CACNA2D1: variants seen among roughly 807,000 people sequenced by gnomAD.
CACNA2D1 encodes voltage-dependent calcium channel subunit alpha-2/delta-1.
Under a neutral mutation model 171.5 loss-of-function variants are expected in CACNA2D1, and 53 were observed. The observed-to-expected ratio is 0.31, with a 90% CI of 0.25 to 0.39. The LOEUF is 0.39. Ranked by LOEUF, CACNA2D1 falls within the 10% of genes least tolerant of loss-of-function variation. The probability of loss-of-function intolerance (pLI) is 1.00; values close to 1 mark genes in which losing one functional copy is unlikely to be tolerated. For synonymous variants in CACNA2D1, 442 were observed against 443.1 expected, an observed-to-expected ratio of 1.00 and a Z score of 0.03; for missense variants, 903 against 1,299.8, an observed-to-expected ratio of 0.69 and a Z score of 4.69.
intron 1 of CACNA2D1, among the ~76,000 whole-genome samples, chr7:82,382,136 G>C (rs945751980): frequency 3.5e-4 from 54 of 152,272 alleles, no homozygotes; most frequent in African/African-American, 1.3e-3. Context: ...AATTGAAGCA[G>C]GGTTACAGAC....
intron 6 of CACNA2D1, among the ~76,000 whole-genome samples, chr7:82,097,243 A>T (rs1160743315): frequency 6.6e-6 from 1 of 152,194 alleles, no homozygotes; most frequent in East Asian, 1.9e-4. Flanking sequence ...TTAGAGAGAC[A>T]TGATTATAAT....
chr7:82,088,066 G>C (rs1810692724), intron 6 of CACNA2D1, among the ~76,000 whole-genome samples: 1 of 152,004 alleles, frequency 6.6e-6, no homozygotes, highest in African/African-American at 2.4e-5. Flanking sequence ...TGTGGGTAGA[G>C]TTTATTTAGG....
At chr7:82,096,228 A>C (rs962608581) in intron 6 of CACNA2D1, among the ~76,000 whole-genome samples, 1 of 152,180 alleles carries the variant, frequency 6.6e-6, no homozygotes, top group African/African-American at 2.4e-5. Flanking sequence ...GCAGTAGCAC[A>C]AAAACTTCCT....
At position 82,066,526 on chromosome 7, in the gene CACNA2D1, T is replaced by TA. The variant is rs370103843; in HGVS notation, c.659-3dup. 0.076 allele frequency: 108,447 copies of TA among 1,429,314 alleles called. 1,400 individuals carry two copies. Among genetic ancestry groups the TA allele is most frequent in the African/African-American group, 0.22 (13,439 of 61,454 alleles). 88.5% of individuals were successfully genotyped at this position (1,429,314 alleles called of 1,614,324 possible). Reference sequence around the variant, plus strand: ...TACTATTATCAACCCATGGTGAAGCTAAAAAAAAAAAAAAAAGAGAGATAT... The same window carrying TA: ...TACTATTATCAACCCATGGTGAAGCTAAAAAAAAAAAAAAAAAGAGAGATAT... On this transcript the variant is annotated splice_region_variant and splice_polypyrimidine_tract_variant and intron_variant, in intron 7 of 38. Transcript: ENST00000356860.
Position 82,434,493 on chromosome 7 carries a change from T to C in CACNA2D1, c.95+8872A>G, listed in dbSNP as rs73160423. Among the ~76,000 whole-genome samples, 1,149 of 152,120 alleles carry C rather than the reference T, an allele frequency of 7.6e-3. 6 individuals are homozygous for C. The highest frequency in any genetic ancestry group is 0.034 in the East Asian group (174 of 5,164). On this transcript the variant is annotated intron_variant, in intron 1 of 38. Coordinates refer to ENST00000356860, the MANE Select transcript of CACNA2D1 (RefSeq NM_000722.4). ...ATTAAGTACTTAATTAAGTACTCATTAGTTATTTTTTCTGATCCTCTCACT... is the reference window on the plus strand; with the variant it reads ...ATTAAGTACTTAATTAAGTACTCATCAGTTATTTTTTCTGATCCTCTCACT...
chr7:82,137,466 T>C (rs1295793753), intron 4 of CACNA2D1, among the ~76,000 whole-genome samples: 1 of 152,098 alleles, frequency 6.6e-6, no homozygotes, highest in Non-Finnish European at 1.5e-5. Context: ...CTCTATCTTA[T>C]TCCAAACTGA....
chr7:82,434,645 T>G (rs1442996070), intron 1 of CACNA2D1, among the ~76,000 whole-genome samples: 1 of 152,186 alleles, frequency 6.6e-6, no homozygotes, highest in East Asian at 1.9e-4. Flanking sequence ...TGTTCCTGTG[T>G]TAGTTTGCTA....
intron 3 of CACNA2D1, among the ~76,000 whole-genome samples, chr7:82,266,569 T>C (rs1428999797): frequency 6.6e-6 from 1 of 151,952 alleles, no homozygotes; most frequent in Non-Finnish European, 1.5e-5. Context: ...CAGGCTGGAG[T>C]GCAATGGTGT....
At chr7:82,073,505 CTATT>C (rs1337834876) in intron 7 of CACNA2D1, among the ~76,000 whole-genome samples, 1 of 152,130 alleles carries the variant, frequency 6.6e-6, no homozygotes, top group East Asian at 1.9e-4. Context: ...AATTCACTAT[CTATT>C]GTAATATACA....
chr7:82,092,540 CTTTT>C (rs71093360), intron 6 of CACNA2D1, among the ~76,000 whole-genome samples: 145 of 102,690 alleles, frequency 1.4e-3, no homozygotes, highest in African/African-American at 5.4e-3. Context: ...GCCCAGCTAA[CTTTT>C]TTTTTTTTTT....
chr7:81,982,942 C>A (rs1796588816), intron 23 of CACNA2D1, among the ~76,000 whole-genome samples: 1 of 151,954 alleles, frequency 6.6e-6, no homozygotes, highest in South Asian at 2.1e-4. Flanking sequence ...GAATGTTATA[C>A]CAGAGGTATT....
intron 3 of CACNA2D1, among the ~76,000 whole-genome samples, chr7:82,292,614 G>A (rs1257905014): frequency 6.6e-6 from 1 of 152,034 alleles, no homozygotes; most frequent in African/African-American, 2.4e-5. Context: ...AGCTTCCAGT[G>A]TTATTAAAAA....
At chr7:82,434,982 C>T (rs1829999435) in intron 1 of CACNA2D1, among the ~76,000 whole-genome samples, 1 of 149,850 alleles carries the variant, frequency 6.7e-6, no homozygotes, top group Non-Finnish European at 1.5e-5. Context: ...CTTCTTCTGC[C>T]TTCAAAAGTA....
chr7:82,287,524 T>G (rs551537041), intron 3 of CACNA2D1, among the ~76,000 whole-genome samples: 31 of 152,304 alleles, frequency 2.0e-4, no homozygotes, highest in African/African-American at 7.0e-4. Flanking sequence ...TTCACTGCAC[T>G]GTTTTTTAGT....
intron 3 of CACNA2D1, among the ~76,000 whole-genome samples, chr7:82,327,133 C>T (rs1279799561): frequency 6.6e-6 from 1 of 152,152 alleles, no homozygotes; most frequent in African/African-American, 2.4e-5. Flanking sequence ...TTCTCTAGAC[C>T]ATCTTCCATA....
At chr7:82,063,342 A>C (rs1807187150) in intron 9 of CACNA2D1, among the ~76,000 whole-genome samples, 1 of 152,184 alleles carries the variant, frequency 6.6e-6, no homozygotes, top group South Asian at 2.1e-4. Context: ...TGAGGCTTAA[A>C]TGCATCTTAA....
chr7:82,130,740 T>C (rs1194137401), intron 5 of CACNA2D1, among the ~76,000 whole-genome samples: 3 of 151,432 alleles, frequency 2.0e-5, no homozygotes, highest in Non-Finnish European at 4.4e-5. Flanking sequence ...AGGTATAATA[T>C]TTAAAATAGA....
intron 2 of CACNA2D1, among the ~76,000 whole-genome samples, chr7:82,346,273 C>T (rs976051610): frequency 2.8e-4 from 42 of 152,106 alleles, no homozygotes; most frequent in African/African-American, 9.9e-4. Context: ...GTCATACTGG[C>T]CCAGCCTGTA....
chr7:82,091,430 T>C (rs1811145226), intron 6 of CACNA2D1, among the ~76,000 whole-genome samples: 1 of 152,194 alleles, frequency 6.6e-6, no homozygotes, highest in African/African-American at 2.4e-5. Flanking sequence ...TTGCCCCCTA[T>C]CACTTTAGTT....
Sources: allele counts gnomAD v4.1 joint callset (sites outside exome capture counted in the v4.1 genomes callset), GRCh38; gene constraint gnomAD v4.1.1; transcripts MANE v1.5; gene names NCBI Gene and HGNC (gene_info 2026-07-23, HGNC 2026-07-21).